The following PRKCA variants were observed in gnomAD, a reference collection of about 807,000 sequenced individuals.
PRKCA encodes protein kinase C alpha, also known as protein kinase C alpha type.
Under a neutral mutation model 87.0 loss-of-function variants are expected in PRKCA, and 27 were observed. The observed-to-expected ratio is 0.31, with a 90% CI of 0.23 to 0.43. PRKCA has a LOEUF of 0.43. Among genes scored for constraint, PRKCA ranks in the 20% least tolerant of loss-of-function variants. The pLI is 1.00. For missense variants in PRKCA, 518 were observed against 852.3 expected (o/e 0.61, Z 4.88); for synonymous variants, 329 against 311.1 (o/e 1.06, Z -0.61).
At chr17:66,780,570 G>A (rs562156516) in intron 14 of PRKCA, among the ~76,000 whole-genome samples, 2 of 152,056 alleles carry the variant, frequency 1.3e-5, no homozygotes, top group Admixed American at 1.3e-4. Context: ...CAGCTACTCA[G>A]GAGGCTGAGG....
At chr17:66,614,337 A>G (rs1230228876) in intron 3 of PRKCA, among the ~76,000 whole-genome samples, 1 of 151,978 alleles carries the variant, frequency 6.6e-6, no homozygotes, top group Non-Finnish European at 1.5e-5. Flanking sequence ...TTCCGGAAGG[A>G]CTCTAAAAAT....
rs774664493 is a variant in PRKCA at position 66,689,024 on chromosome 17, A to G, written c.895A>G (p.Met299Val). ...TCCGGAAGGGGACGAGGAAGGAAACATGGAACTCAGGCAGAAATTCGAGGT... is the reference window on the plus strand; with the variant it reads ...TCCGGAAGGGGACGAGGAAGGAAACGTGGAACTCAGGCAGAAATTCGAGGT... ...PIPEGDEEGNMELRQKFEKAK... is the reference protein window; with the variant it reads ...PIPEGDEEGNVELRQKFEKAK... The change falls in exon 8 of 17, where the codon ATG becomes GTG. Residue 299 changes from methionine to valine, a missense_variant. By Grantham distance (21) the Met-to-Val change is conservative (BLOSUM62 1). Coordinates refer to ENST00000413366, the MANE Select transcript of PRKCA (RefSeq NM_002737.3). The surrounding 1 kb of genome is among the most constrained non-coding windows in gnomAD (Gnocchi z 4.1). 8 of 1,600,546 alleles carry G rather than the reference A, an allele frequency of 5.0e-6. No homozygotes were observed. The highest frequency in any genetic ancestry group is 1.1e-5 in the South Asian group (1 of 88,100).
At chr17:66,550,182 G>C (rs1968282652) in intron 3 of PRKCA, among the ~76,000 whole-genome samples, 1 of 152,166 alleles carries the variant, frequency 6.6e-6, no homozygotes, top group South Asian at 2.1e-4. Flanking sequence ...GATGGAAAAT[G>C]AGATCCCAAG....
intron 3 of PRKCA, among the ~76,000 whole-genome samples, chr17:66,620,617 G>A (rs1970649593): frequency 1.3e-5 from 2 of 152,176 alleles, no homozygotes; most frequent in African/African-American, 4.8e-5. Context: ...TTTGGTCAGA[G>A]GCCTAGCAGT....
chr17:66,785,270 T>G (rs1975352798), intron 14 of PRKCA, among the ~76,000 whole-genome samples: 1 of 152,110 alleles, frequency 6.6e-6, no homozygotes, highest in East Asian at 1.9e-4. Context: ...GGGAGGGACC[T>G]ACTTGGCTCA....
At chr17:66,658,557 A>T (rs531653636) in intron 5 of PRKCA, among the ~76,000 whole-genome samples, 1 of 152,306 alleles carries the variant, frequency 6.6e-6, no homozygotes. Context: ...TCCTTCCTAC[A>T]ACCTGTGGGG....
intron 3 of PRKCA, among the ~76,000 whole-genome samples, chr17:66,534,197 G>T (rs941588197): frequency 6.6e-6 from 1 of 152,040 alleles, no homozygotes; most frequent in African/African-American, 2.4e-5. Context: ...ATTCCCCTCG[G>T]GTAGGAACTG....
intron 2 of PRKCA, among the ~76,000 whole-genome samples, chr17:66,372,325 A>G (rs1909161234): frequency 6.6e-6 from 1 of 152,218 alleles, no homozygotes; most frequent in Non-Finnish European, 1.5e-5. Flanking sequence ...CAAGATGTGC[A>G]TGTATTACAT....
intron 2 of PRKCA, among the ~76,000 whole-genome samples, chr17:66,489,812 A>C (rs1598714974): frequency 7.2e-6 from 1 of 138,900 alleles, no homozygotes. Context: ...ACAGGGTCTC[A>C]CTCTGTCACC....
intron 2 of PRKCA, among the ~76,000 whole-genome samples, chr17:66,484,594 G>A (rs1567852706): frequency 6.6e-6 from 1 of 152,150 alleles, no homozygotes; most frequent in Non-Finnish European, 1.5e-5. Flanking sequence ...AGCTAATGGA[G>A]AAAAAGAGTT....
At chr17:66,688,513 T>A in intron 7 of PRKCA, 77 bp downstream of exon 7, 1 of 1,565,902 alleles carries the variant, frequency 6.4e-7, no homozygotes, top group Non-Finnish European at 8.7e-7. Flanking sequence ...CTCTCAAATG[T>A]CAGTTGAGGC....
intron 13 of PRKCA, among the ~76,000 whole-genome samples, chr17:66,763,173 A>G (rs1310486049): frequency 6.6e-6 from 1 of 152,234 alleles, no homozygotes; most frequent in East Asian, 1.9e-4. Flanking sequence ...CTTTAGAGGT[A>G]GGCAGTGTCT....
intron 3 of PRKCA, among the ~76,000 whole-genome samples, chr17:66,559,622 A>AT (rs60050354): frequency 0.035 from 5,295 of 150,050 alleles, 321 homozygotes; most frequent in African/African-American, 0.12. Context: ...AATAAGGCAA[A>AT]TTTTTTTTTT....
intron 2 of PRKCA, among the ~76,000 whole-genome samples, chr17:66,414,798 C>A (rs1463358838): frequency 6.6e-6 from 1 of 152,068 alleles, no homozygotes; most frequent in Admixed American, 6.6e-5. Context: ...GGTTTGATAT[C>A]TTGTGGTCTT....
chr17:66,562,143 ATATAATTAAAT>A (rs1283135533), intron 3 of PRKCA, among the ~76,000 whole-genome samples: 1 of 85,896 alleles, frequency 1.2e-5, no homozygotes, highest in African/African-American at 5.3e-5. Context: ...TAAATTATAT[ATATAATTAAAT>A]TATATATATA....
At chr17:66,690,876 G>A (rs1296828727) in intron 8 of PRKCA, among the ~76,000 whole-genome samples, 1 of 147,856 alleles carries the variant, frequency 6.8e-6, no homozygotes, top group Non-Finnish European at 1.5e-5. Flanking sequence ...GGATGTGGTA[G>A]CTCACACCTG....
chr17:66,654,754 G>A (rs536132353), intron 5 of PRKCA, among the ~76,000 whole-genome samples: 4 of 152,196 alleles, frequency 2.6e-5, no homozygotes, highest in African/African-American at 7.2e-5. Context: ...CCTCACTTCC[G>A]CAGACCCTGC....
chr17:66,448,091 T>C (rs1200446723), intron 2 of PRKCA, among the ~76,000 whole-genome samples: 3 of 152,220 alleles, frequency 2.0e-5, no homozygotes, highest in Non-Finnish European at 2.9e-5. Context: ...GTAGAAAGCT[T>C]AGGTTCTTTA....
chr17:66,624,092 C>T (rs1459195762), intron 3 of PRKCA, among the ~76,000 whole-genome samples: 3 of 151,908 alleles, frequency 2.0e-5, no homozygotes, highest in East Asian at 1.9e-4. Flanking sequence ...AAATGGTAGC[C>T]GGACTAAGTA....
Sources: gnomAD v4.1 joint callset for allele counts (sites outside exome capture counted in the v4.1 genomes callset) on GRCh38, gnomAD v4.1.1 for gene constraint, Gnocchi (gnomAD v3.1) non-coding constraint, MANE v1.5 for transcripts, NCBI Gene and HGNC (gene_info 2026-07-23, HGNC 2026-07-21) for gene names.